The following AXIN1 variants were observed in gnomAD, a reference collection of about 807,000 sequenced individuals.
AXIN1 encodes the protein axin-1.
AXIN1 carries 30 observed loss-of-function variants against 76.4 expected under a neutral mutation model. The ratio of observed to expected loss-of-function variants is 0.39; its 90% confidence interval spans 0.29 to 0.53. The LOEUF (loss-of-function observed/expected upper bound fraction) is 0.53. Ranked by LOEUF, AXIN1 falls within the 20% of genes least tolerant of loss-of-function variation. The pLI, the probability that AXIN1 is intolerant of heterozygous loss-of-function variation, is 0.66. For missense variants in AXIN1, 1,140 were observed against 1,198.8 expected, an observed-to-expected ratio of 0.95 and a Z score of 0.72; for synonymous variants, 545 against 501.4, an observed-to-expected ratio of 1.09 and a Z score of -1.16.
chr16:295,140 C>T (rs1480791880), intron 7 of AXIN1, among the ~76,000 whole-genome samples: 1 of 150,606 alleles, frequency 6.6e-6, no homozygotes, highest in African/African-American at 2.4e-5. Context: ...CTCTTGTTGC[C>T]CAGGCTGCAG....
intron 1 of AXIN1, among the ~76,000 whole-genome samples, chr16:351,977 G>A (rs938641394): frequency 6.6e-6 from 1 of 152,170 alleles, no homozygotes; most frequent in Non-Finnish European, 1.5e-5. Context: ...GGGTACGGAC[G>A]CCGGAGCACG....
At position 293,598 on chromosome 16, in the gene AXIN1, G is replaced by A. The variant is rs1205631059; in HGVS notation, c.2076C>T (p.Asp692=). The change falls in exon 8 of 11, where the codon GAC becomes GAT. Residue 692 remains aspartate, a synonymous_variant. Coordinates refer to ENST00000262320, the MANE Select transcript of AXIN1 (RefSeq NM_003502.4). This position sits in a 1 kb window ranked among gnomAD's most constrained non-coding sequence, Gnocchi z 4.6. ...SVQPSHLFIQ[D]PTMPPHPAPN... is the part of the protein sequence containing the mutation. ...GAGCTGGGTGGGGTGGCATGGTGGG[G>A]TCTTGGATGAAGAGGTGGGAGGGCT... 4 of 1,612,974 alleles carry A rather than the reference G, an allele frequency of 2.5e-6. No homozygotes were observed. Among genetic ancestry groups the A allele is most frequent in the African/African-American group, 1.3e-5 (1 of 74,902 alleles).
At chr16:289,954 A>G in intron 9 of AXIN1, 1 of 429,676 alleles carries the variant, frequency 2.3e-6, no homozygotes, top group Non-Finnish European at 4.3e-6. Flanking sequence ...TACGGCCCCC[A>G]AACCTTAAAA....
chr16:303,607 C>T (rs1443589909), intron 5 of AXIN1, among the ~76,000 whole-genome samples: 1 of 152,038 alleles, frequency 6.6e-6, no homozygotes, highest in African/African-American at 2.4e-5. Context: ...GTCTCAAACT[C>T]CTGACCTCAG....
rs1423016065 is a variant in AXIN1 at position 287,578 on chromosome 16, G to C, written c.*544C>G. On this transcript the variant is annotated 3_prime_UTR_variant, in exon 11 of 11. Coordinates refer to ENST00000262320, the MANE Select transcript of AXIN1 (RefSeq NM_003502.4). The stretch of plus-strand genomic sequence containing the variant: ...CCTGAGAAATGTACATATTTACACG[G>C]GCCCTCAGAAAGGAGGACCCAGGAC... The C allele has an allele frequency of 1.3e-5, 4 of 309,244 alleles. No homozygotes were observed. The highest frequency in any genetic ancestry group is 4.2e-5 in the African/African-American group (2 of 47,550). The allele number at this position is 309,244 out of a possible 1,614,324, so 19.2% of individuals were successfully genotyped here.
Position 293,721 on chromosome 16 carries a change from T to C in AXIN1, c.1956-3A>G. Reference sequence around the variant, plus strand: ...GTGGCTTCCTCGTCCCCGAAGACCTTGGGGAACAAGAGAACAAGTTGTGAC... The same window carrying C: ...GTGGCTTCCTCGTCCCCGAAGACCTCGGGGAACAAGAGAACAAGTTGTGAC... On this transcript the variant is annotated splice_region_variant and splice_polypyrimidine_tract_variant and intron_variant, in intron 7 of 10. Coordinates refer to ENST00000262320, the MANE Select transcript of AXIN1 (RefSeq NM_003502.4). This position sits in a 1 kb window ranked among gnomAD's most constrained non-coding sequence, Gnocchi z 4.6. The C allele has an allele frequency of 1.2e-6, 2 of 1,612,684 alleles. No homozygotes were observed. Among genetic ancestry groups the C allele is most frequent in the Non-Finnish European group, 1.7e-6 (2 of 1,179,558 alleles).
At chr16:311,777 G>C (rs2053186888) in intron 3 of AXIN1, among the ~76,000 whole-genome samples, 1 of 151,968 alleles carries the variant, frequency 6.6e-6, no homozygotes, top group South Asian at 2.1e-4. Flanking sequence ...TCTCAAAAAA[G>C]AAAAGGAAGA....
intron 2 of AXIN1, among the ~76,000 whole-genome samples, chr16:341,027 G>T (rs867039286): frequency 2.0e-5 from 3 of 152,246 alleles, no homozygotes; most frequent in Non-Finnish European, 4.4e-5. Flanking sequence ...GGACAGAGGG[G>T]TCAGCACCCG....
Position 304,248 on chromosome 16 carries a change from G to A in AXIN1, c.1254+56C>T, listed in dbSNP as rs889530371. On this transcript the variant is annotated intron_variant, in intron 5 of 10. Coordinates refer to ENST00000262320, the MANE Select transcript of AXIN1 (RefSeq NM_003502.4). ...ATGAAGAACATCAGGACATCCCGGC[G>A]GCAAGAAAACAGCACGACACCGACG... The A allele has an allele frequency of 2.9e-5, 47 of 1,600,278 alleles. No individual in the cohort carries two copies. The Admixed American group carries it at 6.2e-4, about 21-fold the overall frequency.
chr16:288,014 C>G lies in AXIN1; in HGVS notation c.*108G>C, dbSNP rs1260457742. 1.9e-6 allele frequency: 3 copies of G among 1,574,852 alleles called. No homozygotes were observed. Among genetic ancestry groups the G allele is most frequent in the Admixed American group, 1.7e-5 (1 of 59,942 alleles). ...GTAGACCACAGGGATGGGTGGTACACCCAACACTGTTCCCCATCGGGCTCC... is the reference window on the plus strand; with the variant it reads ...GTAGACCACAGGGATGGGTGGTACAGCCAACACTGTTCCCCATCGGGCTCC... On this transcript the variant is annotated 3_prime_UTR_variant, in exon 11 of 11. Transcript: ENST00000262320.
At chr16:295,329 C>G (rs1596988138) in intron 7 of AXIN1, among the ~76,000 whole-genome samples, 1 of 151,814 alleles carries the variant, frequency 6.6e-6, no homozygotes, top group Non-Finnish European at 1.5e-5. Context: ...AGTCTGGTCT[C>G]GAACTCCGGA....
chr16:320,741 A>ATTTTTTT (rs1303646861), intron 2 of AXIN1, among the ~76,000 whole-genome samples: 192 of 92,028 alleles, frequency 2.1e-3, no homozygotes, highest in African/African-American at 6.1e-3. Context: ...ATATATATAT[A>ATTTTTTT]TATTTTTTTT....
At chr16:288,523 A>AG (rs1045730356) in intron 10 of AXIN1, among the ~76,000 whole-genome samples, 1 of 152,200 alleles carries the variant, frequency 6.6e-6, no homozygotes, top group Non-Finnish European at 1.5e-5. Context: ...CAGGAGTTGC[A>AG]GGGGGGAAGT....
intron 5 of AXIN1, among the ~76,000 whole-genome samples, chr16:301,017 T>C (rs1051670249): frequency 6.6e-6 from 1 of 152,216 alleles, no homozygotes; most frequent in Admixed American, 6.5e-5. Flanking sequence ...ACGCCTGTAA[T>C]CCCAGCACTT....
intron 1 of AXIN1, among the ~76,000 whole-genome samples, chr16:347,673 G>A (rs527569583): frequency 1.3e-3 from 192 of 152,300 alleles, no homozygotes; most frequent in Non-Finnish European, 2.2e-3. Flanking sequence ...ATCACGTCAC[G>A]CGTGGTACAC....
chr16:305,096 C>T (rs563760680), intron 4 of AXIN1, among the ~76,000 whole-genome samples: 1 of 152,314 alleles, frequency 6.6e-6, no homozygotes, highest in South Asian at 2.1e-4. Context: ...AGCAGAAGGC[C>T]CCCGAGGCCC....
At chr16:320,415 G>C (rs140102943) in intron 2 of AXIN1, among the ~76,000 whole-genome samples, 2 of 152,260 alleles carry the variant, frequency 1.3e-5, no homozygotes, top group East Asian at 3.9e-4. Context: ...AGCAAGGTAA[G>C]ATGACAACAC....
At chr16:340,048 C>CT (rs1303507573) in intron 2 of AXIN1, among the ~76,000 whole-genome samples, 4,108 of 147,456 alleles carry the variant, frequency 0.028, 169 homozygotes, top group African/African-American at 0.093. Flanking sequence ...TCTTCTTCTT[C>CT]TTTTTTTTTT....
At chr16:315,417 A>G (rs2053276785) in intron 2 of AXIN1, among the ~76,000 whole-genome samples, 1 of 152,234 alleles carries the variant, frequency 6.6e-6, no homozygotes, top group African/African-American at 2.4e-5. Context: ...GAAGTCTTCA[A>G]ATAGACTTGT....
Sources: gnomAD v4.1 joint callset for allele counts (sites outside exome capture counted in the v4.1 genomes callset) on GRCh38, gnomAD v4.1.1 for gene constraint, Gnocchi (gnomAD v3.1) non-coding constraint, MANE v1.5 for transcripts, NCBI Gene and HGNC (gene_info 2026-07-23, HGNC 2026-07-21) for gene names.